The following CC2D2A variants were observed in gnomAD, a reference collection of about 807,000 sequenced individuals.
CC2D2A encodes the protein coiled-coil and C2 domain containing 2A.
Under a neutral mutation model 212.9 loss-of-function variants are expected in CC2D2A, and 155 were observed. That is an observed-to-expected ratio of 0.73 (90% CI 0.64 to 0.83). The LOEUF is 0.83. CC2D2A is among the 40% of genes least tolerant of loss of function. The probability of loss-of-function intolerance (pLI) is 0.00; values close to 1 mark genes in which losing one functional copy is unlikely to be tolerated. For synonymous variants in CC2D2A, 667 were observed against 686.5 expected (o/e 0.97, Z 0.44); for missense variants, 1,856 against 1,956.2 (o/e 0.95, Z 0.97).
At chr4:15,520,907 C>T (rs980352805) in intron 11 of CC2D2A, among the ~76,000 whole-genome samples, 3 of 152,120 alleles carry the variant, frequency 2.0e-5, no homozygotes, top group African/African-American at 7.2e-5. Flanking sequence ...TCCAGTCAGA[C>T]ATGTCCTTCC....
At chr4:15,478,890 A>C (rs1714422225) in intron 3 of CC2D2A, 84 bp downstream of exon 3, 1 of 1,154,352 alleles carries the variant, frequency 8.7e-7, no homozygotes, top group Non-Finnish European at 1.3e-6. Context: ...AGAATCCACA[A>C]GGGCAGCCTT....
chr4:15,531,356 C>T (rs1026453334), intron 13 of CC2D2A, among the ~76,000 whole-genome samples: 13 of 152,196 alleles, frequency 8.5e-5, no homozygotes, highest in African/African-American at 3.1e-4. Context: ...TGGGTGTCCT[C>T]GTCCCTTTCC....
At position 15,570,469 on chromosome 4, in the gene CC2D2A, A is replaced by G. The variant is rs1553841140; in HGVS notation, c.3567A>G (p.Pro1189=). 1 of 1,606,070 alleles carries G rather than the reference A, an allele frequency of 6.2e-7. No homozygotes were observed. The highest frequency in any genetic ancestry group is 8.5e-7 in the Non-Finnish European group (1 of 1,175,012). Residue 1189 remains proline (P), a synonymous_variant, in exon 28 of 37, where the codon CCA becomes CCG. Coordinates refer to ENST00000424120, the MANE Select transcript of CC2D2A (RefSeq NM_001378615.1). ...ERHWLGCVKM[P]FSTIYFQARI... ...ACTGGCTGGGATGTGTGAAAATGCC[A>G]TTTAGCACAATATATTTCCAAGCAA...
intron 14 of CC2D2A, among the ~76,000 whole-genome samples, chr4:15,536,549 C>T (rs1423594747): frequency 6.6e-6 from 1 of 152,096 alleles, no homozygotes; most frequent in Non-Finnish European, 1.5e-5. Context: ...TTGAAGAAGT[C>T]ATAAAATAAC....
chr4:15,504,100 G>A (rs1174034290), intron 6 of CC2D2A, among the ~76,000 whole-genome samples: 1 of 152,144 alleles, frequency 6.6e-6, no homozygotes, highest in Non-Finnish European at 1.5e-5. Flanking sequence ...AGGCTCTAGG[G>A]ATATTTCTGA....
At chr4:15,553,065 C>T (rs2109052823) in intron 18 of CC2D2A, 93 bp from the exon 19 acceptor site, 1 of 1,177,268 alleles carries the variant, frequency 8.5e-7, no homozygotes, top group Non-Finnish European at 1.2e-6. Flanking sequence ...CCACCCACTC[C>T]AAGTTCCATT....
At chr4:15,536,675 A>G (rs1333735573) in intron 14 of CC2D2A, among the ~76,000 whole-genome samples, 1 of 152,128 alleles carries the variant, frequency 6.6e-6, no homozygotes, top group East Asian at 1.9e-4. Context: ...TTGGGCTCAT[A>G]TTCAGCCCTT....
Position 15,581,902 on chromosome 4 carries a change from C to T in CC2D2A, c.3975+1731C>T, listed in dbSNP as rs192186149. On this transcript the variant is annotated intron_variant, in intron 30 of 36. Coordinates refer to ENST00000424120, the MANE Select transcript of CC2D2A (RefSeq NM_001378615.1). The stretch of plus-strand genomic sequence containing the variant: ...CAAAAAAATTCCACAGAAAAAAATT[C>T]CAAGAAACATGAACATACAATGAAA... 4.9e-3 allele frequency among the ~76,000 whole-genome samples: 750 copies of T among 152,090 alleles called. 2 individuals are homozygous for T. The highest frequency in any genetic ancestry group is 0.01 in the Middle Eastern group (3 of 294).
intron 30 of CC2D2A, among the ~76,000 whole-genome samples, chr4:15,583,709 G>C (rs1577394676): frequency 6.6e-6 from 1 of 152,166 alleles, no homozygotes; most frequent in Non-Finnish European, 1.5e-5. Flanking sequence ...CAGCACTTTG[G>C]GAGGCCGAGG....
At chr4:15,494,202 G>A (rs370484087) in intron 4 of CC2D2A, among the ~76,000 whole-genome samples, 182 of 152,278 alleles carry the variant, frequency 1.2e-3, no homozygotes, top group African/African-American at 3.5e-3. Context: ...TGAGAGCACC[G>A]AGTCTTGTCC....
Position 15,555,149 on chromosome 4 carries a change from C to T in CC2D2A, c.2564C>T (p.Ala855Val). ...LTDMKKLAKW[A>V]AESKLDPNDP... ...GACATGAAAAAATTGGCCAAGTGGG[C>T]AGCAGAGTCCAAGCTCGACCCAAAT... The change falls in exon 20 of 37, where the codon GCA (alanine) becomes GTA (valine). Residue 855 changes from alanine (A) to valine (V), a missense_variant. Ala to Val is a moderately conservative substitution (Grantham distance 64). Transcript: ENST00000424120. 6.2e-7 allele frequency: 1 copy of T among 1,613,856 alleles called. No homozygotes were observed. Among genetic ancestry groups the T allele is most frequent in the Non-Finnish European group, 8.5e-7 (1 of 1,179,838 alleles).
At chr4:15,511,096 C>A in intron 7 of CC2D2A, 151 bp from the exon 8 acceptor site, 1 of 784,852 alleles carries the variant, frequency 1.3e-6, no homozygotes, top group Non-Finnish European at 1.9e-6. Context: ...AGTTTATTAC[C>A]AGTAGTCTCA....
At chr4:15,530,222 T>C (rs1034152541) in intron 13 of CC2D2A, among the ~76,000 whole-genome samples, 14 of 152,266 alleles carry the variant, frequency 9.2e-5, no homozygotes, top group East Asian at 1.9e-4. Context: ...CTGCCCGCCT[T>C]GGCCTCCCAA....
At chr4:15,530,132 A>C (rs964941893) in intron 13 of CC2D2A, among the ~76,000 whole-genome samples, 44 of 151,884 alleles carry the variant, frequency 2.9e-4, no homozygotes, top group Middle Eastern at 3.4e-3. Flanking sequence ...CCACTACGCC[A>C]GGCTAATTTT....
At chr4:15,557,224 G>T (rs1393243842) in intron 20 of CC2D2A, 80 bp from the exon 21 acceptor site, 4 of 840,338 alleles carry the variant, frequency 4.8e-6, no homozygotes, top group African/African-American at 1.7e-5. Flanking sequence ...ACTGTTAAAT[G>T]TTCCTTGACA....
At chr4:15,542,978 A>G (rs1718537183) in intron 17 of CC2D2A, among the ~76,000 whole-genome samples, 1 of 152,212 alleles carries the variant, frequency 6.6e-6, no homozygotes, top group Admixed American at 6.5e-5. Context: ...ATGGAAAGAG[A>G]GGAAGCGGTG....
intron 17 of CC2D2A, among the ~76,000 whole-genome samples, chr4:15,550,443 T>C (rs116342246): frequency 2.0e-5 from 3 of 152,240 alleles, no homozygotes; most frequent in Non-Finnish European, 4.4e-5. Context: ...GGGCATGTCC[T>C]TACTGTCCCA....
intron 24 of CC2D2A, among the ~76,000 whole-genome samples, chr4:15,566,233 C>T (rs896258089): frequency 2.6e-5 from 4 of 152,166 alleles, no homozygotes; most frequent in Non-Finnish European, 4.4e-5. Flanking sequence ...ACTCGCTGAT[C>T]CTAACTCAAG....
At chr4:15,495,308 C>G (rs940773887) in intron 4 of CC2D2A, among the ~76,000 whole-genome samples, 1 of 152,026 alleles carries the variant, frequency 6.6e-6, no homozygotes, top group Non-Finnish European at 1.5e-5. Context: ...GGGGTTTCAC[C>G]ATGTTGCCCA....
Sources: gnomAD v4.1 joint callset for allele counts (sites outside exome capture counted in the v4.1 genomes callset) on GRCh38, gnomAD v4.1.1 for gene constraint, MANE v1.5 for transcripts, NCBI Gene and HGNC (gene_info 2026-07-23, HGNC 2026-07-21) for gene names.